Variants in TPST2 observed in about 807,000 individuals in gnomAD.
The protein encoded by TPST2 is tyrosylprotein sulfotransferase 2, also known as protein-tyrosine sulfotransferase 2.
In TPST2, 16 loss-of-function variants were observed where a neutral mutation model predicts 27.8. The observed-to-expected ratio is 0.58, with a 90% confidence interval of 0.39 to 0.88. The LOEUF (loss-of-function observed/expected upper bound fraction) is 0.88. Ranked by LOEUF, TPST2 falls within the 40% of genes least tolerant of loss-of-function variation. TPST2 has a pLI of 0.00. For missense variants in TPST2, 464 were observed against 543.1 expected (o/e 0.85, Z 1.45); for synonymous variants, 229 against 231.7 (o/e 0.99, Z 0.10).
chr22:26,562,401 C>T (rs1244936532), intron 1 of TPST2, among the ~76,000 whole-genome samples: 1 of 152,220 alleles, frequency 6.6e-6, no homozygotes, highest in Non-Finnish European at 1.5e-5. Flanking sequence ...CTTCACTAAA[C>T]CCTCACAGCT....
At chr22:26,556,497 G>A (rs896409467) in intron 1 of TPST2, among the ~76,000 whole-genome samples, 1 of 152,110 alleles carries the variant, frequency 6.6e-6, no homozygotes, top group African/African-American at 2.4e-5. Context: ...CCGAGATCGC[G>A]TCATTGCACC....
intron 1 of TPST2, among the ~76,000 whole-genome samples, chr22:26,559,612 C>T (rs1926979436): frequency 6.6e-6 from 1 of 152,212 alleles, no homozygotes; most frequent in South Asian, 2.1e-4. Flanking sequence ...TATGAGTTCG[C>T]CTATTCTGAA....
chr22:26,540,673 G>A, intron 3 of TPST2, 116 bp downstream of exon 3: 1 of 918,098 alleles, frequency 1.1e-6, no homozygotes. Flanking sequence ...GGCTCAGAGA[G>A]ATATAGTGAC....
At chr22:26,554,530 T>C (rs547056488) in intron 1 of TPST2, among the ~76,000 whole-genome samples, 2 of 152,324 alleles carry the variant, frequency 1.3e-5, no homozygotes, top group East Asian at 3.9e-4. Context: ...CCTCCACACC[T>C]GGCTGATTCC....
chr22:26,532,208 A>G (rs1925200396), intron 5 of TPST2, among the ~76,000 whole-genome samples: 1 of 152,256 alleles, frequency 6.6e-6, no homozygotes, highest in Non-Finnish European at 1.5e-5. Flanking sequence ...CAGAAGGGCC[A>G]CTGAGATGTG....
chr22:26,535,971 TAAAC>T (rs1925433639), intron 4 of TPST2: 1 of 440,042 alleles, frequency 2.3e-6, no homozygotes, highest in African/African-American at 2.0e-5. Flanking sequence ...TACAAACAGA[TAAAC>T]AAATAGCCAG....
intron 5 of TPST2, among the ~76,000 whole-genome samples, chr22:26,530,631 C>CAAAAAAAAAAAAA (rs34776057): frequency 4.2e-5 from 5 of 118,296 alleles, no homozygotes; most frequent in East Asian, 5.4e-4. Flanking sequence ...AACCCCATCT[C>CAAAAAAAAAAAAA]AAAAAAAAAA....
chr22:26,568,129 C>T (rs764261939), intron 1 of TPST2, among the ~76,000 whole-genome samples: 4 of 152,196 alleles, frequency 2.6e-5, no homozygotes, highest in Non-Finnish European at 5.9e-5. Flanking sequence ...GTGGCATGAT[C>T]GTAATTGCCC....
At chr22:26,536,606 T>C in intron 3 of TPST2, 120 bp from the exon 4 acceptor site, 1 of 916,880 alleles carries the variant, frequency 1.1e-6, no homozygotes, top group East Asian at 2.7e-5. Context: ...TCCACCCAGC[T>C]CTGCCCCATC....
At chr22:26,529,673 C>A (rs1361878280) in intron 5 of TPST2, among the ~76,000 whole-genome samples, 1 of 152,174 alleles carries the variant, frequency 6.6e-6, no homozygotes, top group Non-Finnish European at 1.5e-5. Flanking sequence ...TGTTCTGTGA[C>A]CCATCCCCCA....
intron 1 of TPST2, among the ~76,000 whole-genome samples, chr22:26,559,083 T>C (rs1438331471): frequency 6.6e-6 from 1 of 152,364 alleles, no homozygotes; most frequent in African/African-American, 2.4e-5. Context: ...GTACAGTTCA[T>C]GGGCCCGGCG....
At chr22:26,546,498 G>A (rs1285550407) in intron 1 of TPST2, among the ~76,000 whole-genome samples, 9 of 152,186 alleles carry the variant, frequency 5.9e-5, no homozygotes, top group Non-Finnish European at 1.0e-4. Flanking sequence ...AGCCCAAGAG[G>A]CCTGCCAGCC....
chr22:26,554,693 T>C (rs1926688952), intron 1 of TPST2, among the ~76,000 whole-genome samples: 1 of 152,184 alleles, frequency 6.6e-6, no homozygotes, highest in African/African-American at 2.4e-5. Flanking sequence ...ATCCCAGCAC[T>C]TTGGGAGGCC....
chr22:26,542,864 C>T (rs938261433), intron 2 of TPST2, among the ~76,000 whole-genome samples: 13 of 152,282 alleles, frequency 8.5e-5, no homozygotes, highest in African/African-American at 2.6e-4. Flanking sequence ...TGAGGTTCCA[C>T]CCAAAACCAC....
chr22:26,577,649 A>ATTTT (rs771843747), intron 1 of TPST2, among the ~76,000 whole-genome samples: 5 of 93,382 alleles, frequency 5.4e-5, no homozygotes, highest in African/African-American at 8.8e-5. Flanking sequence ...GCACCCGGCC[A>ATTTT]TTTTTTTTTT....
At chr22:26,587,541 A>C (rs1386928810) in intron 1 of TPST2, among the ~76,000 whole-genome samples, 1 of 152,046 alleles carries the variant, frequency 6.6e-6, no homozygotes, top group African/African-American at 2.4e-5. Context: ...GGGTTTCACC[A>C]TATTGGATAG....
intron 1 of TPST2, among the ~76,000 whole-genome samples, chr22:26,586,204 G>A (rs974768211): frequency 2.6e-5 from 4 of 151,778 alleles, no homozygotes; most frequent in East Asian, 1.9e-4. Flanking sequence ...TTCCCACCCC[G>A]TCTCCATGTC....
At chr22:26,569,106 G>T (rs1039531630) in intron 1 of TPST2, among the ~76,000 whole-genome samples, 1 of 151,816 alleles carries the variant, frequency 6.6e-6, no homozygotes, top group East Asian at 1.9e-4. Flanking sequence ...TTCGTGATCC[G>T]CCCGCCTCAG....
At position 26,529,007 on chromosome 22, in the gene TPST2, A is replaced by C. The variant is rs550431120; in HGVS notation, c.1093-745T>G. Among the ~76,000 whole-genome samples the C allele has an allele frequency of 9.9e-5, 15 of 151,470 alleles. No homozygotes were observed. In the South Asian group the frequency reaches 1.0e-3, roughly 11 times the overall value. On this transcript the variant is annotated intron_variant, in intron 5 of 6. Transcript: ENST00000338754. Reference sequence around the variant, plus strand: ...AAAAAAACAAAAACAAAAACAAAAAAAAAACAAAACGTATCTTTTGCATGC... The same window carrying C: ...AAAAAAACAAAAACAAAAACAAAAACAAAACAAAACGTATCTTTTGCATGC...
Sources: gnomAD v4.1 joint callset for allele counts (sites outside exome capture counted in the v4.1 genomes callset) on GRCh38, gnomAD v4.1.1 for gene constraint, MANE v1.5 for transcripts, NCBI Gene and HGNC (gene_info 2026-07-23, HGNC 2026-07-21) for gene names.